The following ANK2 variants were observed in gnomAD, a reference collection of about 807,000 sequenced individuals.
ANK2 encodes the protein ankyrin-2.
In ANK2, 83 loss-of-function variants were observed where a neutral mutation model predicts 360.5. The ratio of observed to expected loss-of-function variants is 0.23; its 90% CI spans 0.19 to 0.28. ANK2 has a LOEUF of 0.28. Among genes scored for constraint, ANK2 ranks in the 10% least tolerant of loss-of-function variants. The pLI is 1.00. For synonymous variants in ANK2, 1,740 were observed against 1,759.5 expected, an observed-to-expected ratio of 0.99 and a Z score of 0.28; for missense variants, 4,201 against 4,795.7, an observed-to-expected ratio of 0.88 and a Z score of 3.66.
intron 1 of ANK2, among the ~76,000 whole-genome samples, chr4:113,106,088 T>A (rs2093595306): frequency 6.6e-6 from 1 of 152,198 alleles, no homozygotes; most frequent in Non-Finnish European, 1.5e-5. Flanking sequence ...AGCTTACTAT[T>A]ATATGGTATG....
intron 1 of ANK2, among the ~76,000 whole-genome samples, chr4:113,098,592 T>C (rs1236466917): frequency 6.6e-6 from 1 of 152,022 alleles, no homozygotes; most frequent in Non-Finnish European, 1.5e-5. Context: ...GTTTCACTGA[T>C]GAATTCTACC....
chr4:113,188,094 A>T (rs911256109), intron 2 of ANK2, among the ~76,000 whole-genome samples: 1 of 152,170 alleles, frequency 6.6e-6, no homozygotes, highest in African/African-American at 2.4e-5. Flanking sequence ...TGTGTTGTGC[A>T]CACTCATTTA....
intron 24 of ANK2, among the ~76,000 whole-genome samples, chr4:113,315,569 A>G (rs2082288158): frequency 6.6e-6 from 1 of 152,170 alleles, no homozygotes; most frequent in Non-Finnish European, 1.5e-5. Context: ...TCCTTAGCCA[A>G]ATTCAAAACA....
At chr4:113,107,580 A>G (rs2093787034) in intron 1 of ANK2, among the ~76,000 whole-genome samples, 1 of 152,162 alleles carries the variant, frequency 6.6e-6, no homozygotes, top group African/African-American at 2.4e-5. Context: ...GATGCTGACC[A>G]TTCAAAGTGA....
chr4:112,797,978 G>A, the ANK2 span: 136 of 160,622 alleles, frequency 8.5e-4, 1 homozygote, highest in Admixed American at 4.9e-3. Flanking sequence ...ATTCTTTGCC[G>A]GCTATCAACA....
chr4:113,047,687 AAG>A (rs199723812), upstream of ANK2, among the ~76,000 whole-genome samples: 692 of 118,926 alleles, frequency 5.8e-3, 23 homozygotes, highest in East Asian at 0.11. Flanking sequence ...TTTAAAAAAA[AAG>A]AGAGAACCTT....
intron 23 of ANK2, among the ~76,000 whole-genome samples, chr4:113,310,691 A>G (rs974097362): frequency 1.3e-5 from 2 of 152,242 alleles, no homozygotes; most frequent in African/African-American, 4.8e-5. Flanking sequence ...GGTTGGGATT[A>G]CAGGCATGAG....
intron 1 of ANK2, among the ~76,000 whole-genome samples, chr4:113,162,731 G>A (rs2097579896): frequency 2.3e-5 from 3 of 133,092 alleles, no homozygotes; most frequent in African/African-American, 5.5e-5. Flanking sequence ...GTAGCTAAAG[G>A]TTTTTTTTTT....
chr4:113,218,982 G>T (rs908174619), intron 4 of ANK2, among the ~76,000 whole-genome samples: 1 of 152,110 alleles, frequency 6.6e-6, no homozygotes, highest in Non-Finnish European at 1.5e-5. Flanking sequence ...ACCCTATAGC[G>T]ATTGTTATTG....
At chr4:113,375,741 A>G (rs1392604744) in intron 45 of ANK2, among the ~76,000 whole-genome samples, 1 of 151,656 alleles carries the variant, frequency 6.6e-6, no homozygotes, top group Non-Finnish European at 1.5e-5. Context: ...AAAAAAGAAA[A>G]AAAAGAAAAA....
chr4:113,317,064 G>A (rs962749410), intron 24 of ANK2, among the ~76,000 whole-genome samples: 4 of 152,150 alleles, frequency 2.6e-5, no homozygotes, highest in Non-Finnish European at 4.4e-5. Context: ...CAGTGCTCTC[G>A]TTTGAAATAA....
chr4:112,831,796 C>A (rs2059800969), intron 1 of ANK2, among the ~76,000 whole-genome samples: 1 of 152,266 alleles, frequency 6.6e-6, no homozygotes, highest in African/African-American at 2.4e-5. Flanking sequence ...AGCTTCACTC[C>A]TGAAGCCAGC....
chr4:113,158,884 A>G (rs571170947), intron 1 of ANK2, among the ~76,000 whole-genome samples: 177 of 152,324 alleles, frequency 1.2e-3, no homozygotes, highest in Non-Finnish European at 2.3e-3. Flanking sequence ...TTATCTTTTC[A>G]TATATCCCAC....
rs915040778 is a variant in ANK2 at position 113,011,605 on chromosome 4, G to T, written c.21+107091G>T. On this transcript the variant is annotated intron_variant, in intron 2 of 30. Coordinates refer to the ANK2 transcript ENST00000503271. ...AGAAGATAAGGGATAGTTTAACAAG[G>T]TTGGTTTGTCAAGATTTCTCTGGGT... Among the ~76,000 whole-genome samples, 51 of 152,058 alleles carry T rather than the reference G, an allele frequency of 3.4e-4. 1 individual carries two copies. The highest frequency in any genetic ancestry group is 1.2e-3 in the African/African-American group (51 of 41,420).
chr4:112,739,224 T>C, the ANK2 span: 8 of 271,416 alleles, frequency 2.9e-5, no homozygotes, highest in Non-Finnish European at 5.6e-5. Flanking sequence ...GAAGCAGAGT[T>C]AAAATAGGCA....
chr4:113,293,243 C>T, intron 21 of ANK2, 197 bp from the exon 22 acceptor site: 1 of 691,398 alleles, frequency 1.4e-6, no homozygotes. Flanking sequence ...TGTTGTGTTA[C>T]CATGGTGACC....
At chr4:112,839,623 A>T (rs1209817448) in intron 1 of ANK2, among the ~76,000 whole-genome samples, 3 of 152,228 alleles carry the variant, frequency 2.0e-5, no homozygotes, top group Non-Finnish European at 2.9e-5. Flanking sequence ...AAACTATCAC[A>T]AAATGGCACT....
At chr4:113,179,693 A>G (rs1040169010) in intron 2 of ANK2, among the ~76,000 whole-genome samples, 1 of 152,334 alleles carries the variant, frequency 6.6e-6, no homozygotes, top group South Asian at 2.1e-4. Flanking sequence ...AAACTCATAA[A>G]GACTTACTTT....
At chr4:113,239,489 A>T (rs1384132583) in intron 7 of ANK2, among the ~76,000 whole-genome samples, 1 of 152,158 alleles carries the variant, frequency 6.6e-6, no homozygotes. Context: ...GCAGGATGTG[A>T]TAGCCAAATA....
Sources: allele counts gnomAD v4.1 joint callset (sites outside exome capture counted in the v4.1 genomes callset), GRCh38; gene constraint gnomAD v4.1.1; transcripts MANE v1.5; gene names NCBI Gene and HGNC (gene_info 2026-07-23, HGNC 2026-07-21).